Variants in NAF1 observed in about 807,000 individuals in gnomAD.
NAF1 encodes the protein nuclear assembly factor 1 ribonucleoprotein.
In NAF1, 11 loss-of-function variants were observed where a neutral mutation model predicts 40.6. The observed-to-expected ratio is 0.27, with a 90% CI of 0.17 to 0.45. The LOEUF (loss-of-function observed/expected upper bound fraction) is 0.45, where lower values mean the gene tolerates loss of function less well. Among genes scored for constraint, NAF1 ranks in the 20% least tolerant of loss-of-function variants. The pLI is 1.00. For synonymous variants in NAF1, 260 were observed against 228.5 expected (o/e 1.14, Z -1.24); for missense variants, 607 against 611.1 (o/e 0.99, Z 0.07).
chr4:163,147,913 G>C (rs1731537626), intron 3 of NAF1, among the ~76,000 whole-genome samples: 1 of 152,084 alleles, frequency 6.6e-6, no homozygotes, highest in African/African-American at 2.4e-5. Context: ...GCAGGCTCTA[G>C]AACCCAAAAA....
chr4:163,110,210 C>CTAT, exon 3 of NAF1: 2 of 673,538 alleles, frequency 3.0e-6, no homozygotes, highest in South Asian at 3.2e-5. Context: ...ACCAGCCATA[C>CTAT]CATCATTTGA....
intron 2 of NAF1, among the ~76,000 whole-genome samples, chr4:163,114,645 T>C (rs1004623809): frequency 3.9e-5 from 6 of 152,220 alleles, no homozygotes; most frequent in African/African-American, 1.4e-4. Flanking sequence ...GAGTAGTATT[T>C]TTATATCTAC....
chr4:163,137,208 T>A lies in NAF1; in HGVS notation c.921A>T (p.Pro307=), dbSNP rs1560790064. Residue 307 remains proline (P), a synonymous_variant, in exon 6 of 8, where the codon CCA becomes CCT. Transcript: ENST00000274054. ...AAAGACTTATACTTACCTCTGGTGGTGGTTCCTGATCATTCTTCCATGATG... is the reference window on the plus strand; with the variant it reads ...AAAGACTTATACTTACCTCTGGTGGAGGTTCCTGATCATTCTTCCATGATG... The part of the protein sequence containing the change: ...SDASWKNDQE[P]PPEALDFSDD... The A allele has an allele frequency of 8.1e-6, 13 of 1,612,654 alleles. No individual in the cohort carries two copies. The highest frequency in any genetic ancestry group is 1.0e-5 in the Non-Finnish European group (12 of 1,178,928).
chr4:163,129,293 C>T lies in NAF1; in HGVS notation c.1089G>A (p.Glu363=), dbSNP rs142584555. Residue 363 remains glutamate, a synonymous_variant, in exon 8 of 8, where the codon GAG becomes GAA. Transcript: ENST00000274054. ...CTCTGTTACGATATCCTTTTGCATG[C>T]TCTGAAGCAGAGCTATGAGCATTCC... ...QNWNAHSSAS[E]HAKGYRNREF... is the part of the protein sequence containing the mutation. 90 of 1,613,954 alleles carry T rather than the reference C, an allele frequency of 5.6e-5. No homozygotes were observed. Among genetic ancestry groups the T allele is most frequent in the Non-Finnish European group, 7.2e-5 (85 of 1,179,984 alleles).
At chr4:163,114,609 G>T (rs192492784) in intron 2 of NAF1, among the ~76,000 whole-genome samples, 1 of 152,076 alleles carries the variant, frequency 6.6e-6, no homozygotes, top group Admixed American at 6.5e-5. Context: ...TATATTTGCT[G>T]TTTCCATGTT....
At chr4:163,104,974 G>T in the NAF1 span, among the ~76,000 whole-genome samples, 1 of 152,192 alleles carries the variant, frequency 6.6e-6, no homozygotes, top group Non-Finnish European at 1.5e-5. Flanking sequence ...ACCAGTCGTT[G>T]AAATTTTCTT....
chr4:163,119,823 T>A (rs890182215), intron 2 of NAF1: 1 of 152,206 alleles, frequency 6.6e-6, no homozygotes, highest in African/African-American at 2.4e-5. Flanking sequence ...ACAACAGCAA[T>A]TTGATATAGT....
downstream of NAF1, among the ~76,000 whole-genome samples, chr4:163,121,974 G>A (rs1044428216): frequency 1.1e-4 from 17 of 152,184 alleles, no homozygotes; most frequent in African/African-American, 3.6e-4. Context: ...ATAATGGCAA[G>A]TTGTGTAAAA....
chr4:163,118,497 A>AATC (rs900087134), intron 2 of NAF1, among the ~76,000 whole-genome samples: 5 of 152,346 alleles, frequency 3.3e-5, no homozygotes, highest in African/African-American at 1.2e-4. Context: ...TCACGCCTGT[A>AATC]ATCCCAGCAC....
At chr4:163,150,903 C>T (rs1434801402) in intron 2 of NAF1, among the ~76,000 whole-genome samples, 1 of 152,074 alleles carries the variant, frequency 6.6e-6, no homozygotes, top group Non-Finnish European at 1.5e-5. Context: ...GATTTCCCCA[C>T]AACCTTGCCA....
At chr4:163,104,107 G>C in the NAF1 span, among the ~76,000 whole-genome samples, 1 of 152,086 alleles carries the variant, frequency 6.6e-6, no homozygotes, top group Non-Finnish European at 1.5e-5. Flanking sequence ...GTGCTCAGTG[G>C]GGGAGGTTCT....
chr4:163,126,376 C>T (rs944940166), downstream of NAF1, among the ~76,000 whole-genome samples: 1 of 151,946 alleles, frequency 6.6e-6, no homozygotes, highest in Non-Finnish European at 1.5e-5. Context: ...TTGATTCCAA[C>T]CCTCATTAAT....
At chr4:163,140,449 T>G in intron 4 of NAF1, 66 bp from the exon 5 acceptor site, 1 of 1,412,668 alleles carries the variant, frequency 7.1e-7, no homozygotes, top group Non-Finnish European at 9.7e-7. Flanking sequence ...CAGCAGTGTT[T>G]TCTTTTAAAA....
At chr4:163,121,524 T>C (rs1177717648) in intron 2 of NAF1, among the ~76,000 whole-genome samples, 1 of 152,198 alleles carries the variant, frequency 6.6e-6, no homozygotes, top group Non-Finnish European at 1.5e-5. Flanking sequence ...TCTTTATTTT[T>C]TATATTTTCC....
Position 163,166,752 on chromosome 4 carries a change from GC to G in NAF1, c.-26del, listed in dbSNP as rs1344064620. On this transcript the variant is annotated 5_prime_UTR_variant, in exon 1 of 8. Transcript: ENST00000274054. ...TCGCACCGCGCCAGAAACCGGGTCGGCCTCAGGATTGGGGCCCCTGGACAAG... is the reference window on the plus strand; with the variant it reads ...TCGCACCGCGCCAGAAACCGGGTCGGCTCAGGATTGGGGCCCCTGGACAAG... 6.2e-7 allele frequency: 1 copy of G among 1,612,436 alleles called. No individual in the cohort carries two copies. Among genetic ancestry groups the G allele is most frequent in the Admixed American group, 1.7e-5 (1 of 59,872 alleles).
chr4:163,137,563 A>C (rs566381117), intron 5 of NAF1, among the ~76,000 whole-genome samples: 2 of 152,304 alleles, frequency 1.3e-5, no homozygotes, highest in East Asian at 3.9e-4. Context: ...CACAAAACTC[A>C]GTTTAAAAAA....
intron 2 of NAF1, among the ~76,000 whole-genome samples, chr4:163,153,206 G>A (rs919395259): frequency 6.6e-5 from 10 of 152,188 alleles, no homozygotes; most frequent in Admixed American, 1.3e-4. Flanking sequence ...GAGTCCCATC[G>A]ACCACCCAAG....
intron 6 of NAF1, chr4:163,135,255 T>TTA (rs1487498603): frequency 2.6e-5 from 4 of 152,150 alleles, no homozygotes; most frequent in African/African-American, 9.7e-5. Flanking sequence ...ATTTCTAATT[T>TTA]TAATCTATGA....
chr4:163,148,461 TAA>T, intron 2 of NAF1, 27 bp from the exon 3 acceptor site: 1 of 1,432,962 alleles, frequency 7.0e-7, no homozygotes, highest in Non-Finnish European at 9.5e-7. Context: ...AACAAAACAT[TAA>T]ACTTCCTCCA....
Sources: gnomAD v4.1 joint callset for allele counts (sites outside exome capture counted in the v4.1 genomes callset) on GRCh38, gnomAD v4.1.1 for gene constraint, MANE v1.5 for transcripts, NCBI Gene and HGNC (gene_info 2026-07-23, HGNC 2026-07-21) for gene names.